DSP: variants seen among roughly 807,000 people sequenced by gnomAD.
The protein encoded by DSP is desmoplakin, also known as 250/210 kDa paraneoplastic pemphigus antigen.
DSP carries 114 observed loss-of-function variants against 290.6 expected under a neutral mutation model. The ratio of observed to expected loss-of-function variants is 0.39; its 90% CI spans 0.34 to 0.46. The LOEUF (loss-of-function observed/expected upper bound fraction) is 0.46, where lower values mean the gene tolerates loss of function less well. Ranked by LOEUF, DSP falls within the 20% of genes least tolerant of loss-of-function variation. DSP has a pLI of 0.99. For synonymous variants in DSP, 1,311 were observed against 1,316.4 expected (o/e 1.00, Z 0.09); for missense variants, 3,230 against 3,495.8 (o/e 0.92, Z 1.92).
Position 7,568,338 on chromosome 6 carries a change from TACTC to T in DSP, c.1267-97_1267-94del, listed in dbSNP as rs988667177. 5.3e-6 allele frequency: 7 copies of T among 1,325,514 alleles called. No individual in the cohort carries two copies. In the African/African-American group the frequency reaches 1.0e-4, roughly 19 times the overall value. The allele number at this position is 1,325,514 out of a possible 1,614,324, so 82.1% of individuals were successfully genotyped here. On this transcript the variant is annotated intron_variant, in intron 10 of 23. Transcript: ENST00000379802. ...TTTACAATTGATGCAACTGCAGTGA[TACTC>T]AGTGTGTCATGTAGCTACATTAATG...
rs77758574 is a variant in DSP, at chr6:7,580,331, A to T, written c.4141A>T (p.Thr1381Ser). ...NITKTTIHQLTMQKEEDTSGY... is the reference protein window; with the variant it reads ...NITKTTIHQLSMQKEEDTSGY... ...CACCAAGACCACCATCCACCAGCTC[A>T]CCATGCAGAAGGAAGAGGATACCAG... The change falls in exon 23 of 24, where the codon ACC (threonine) becomes TCC (serine). Residue 1381 changes from threonine to serine, a missense_variant. Thr to Ser is a moderately conservative substitution (Grantham distance 58, BLOSUM62 1). Around this residue, in one of 5 missense-constraint regions of DSP, gnomAD observed 1,714 missense variants for 1,844.5 expected, o/e 0.93. Coordinates refer to ENST00000379802, the MANE Select transcript of DSP (RefSeq NM_004415.4). This position sits in a 1 kb window ranked among gnomAD's most constrained non-coding sequence, Gnocchi z 4.2. 726 of 1,614,080 alleles carry T rather than the reference A, an allele frequency of 4.5e-4. 2 individuals carry two copies. In the African/African-American group the frequency reaches 8.5e-3, roughly 19 times the overall value.
intron 17 of DSP, among the ~76,000 whole-genome samples, chr6:7,575,061 T>C (rs1759193063): frequency 6.6e-6 from 1 of 152,190 alleles, no homozygotes; most frequent in South Asian, 2.1e-4. Context: ...TCTTAGAAAC[T>C]TTAATATGTT....
rs140005606 is a variant in DSP, at chr6:7,543,967, G to A, written c.170+1882G>A. ...TTTTCCTTGTGTAGTATCATCCCGTGCTCTGTTTTTCCAACTTAAAGCCTA... is the reference window on the plus strand; with the variant it reads ...TTTTCCTTGTGTAGTATCATCCCGTACTCTGTTTTTCCAACTTAAAGCCTA... On this transcript the variant is annotated intron_variant, in intron 1 of 23. Coordinates refer to ENST00000379802, the MANE Select transcript of DSP (RefSeq NM_004415.4). 2.0e-5 allele frequency among the ~76,000 whole-genome samples: 3 copies of A among 152,196 alleles called. No homozygotes were observed. In the East Asian group the frequency reaches 5.8e-4, roughly 29 times the overall value.
chr6:7,558,765 G>A (rs1758582933), intron 3 of DSP, among the ~76,000 whole-genome samples: 1 of 152,058 alleles, frequency 6.6e-6, no homozygotes, highest in Admixed American at 6.6e-5. Context: ...CCTCCGTCTT[G>A]TGCTTCCCAA....
chr6:7,569,767 G>C (rs991784848), intron 12 of DSP, among the ~76,000 whole-genome samples: 2 of 152,052 alleles, frequency 1.3e-5, no homozygotes, highest in Non-Finnish European at 1.5e-5. Context: ...CTGGGAGGGG[G>C]AGGTTGCAGT....
At chr6:7,556,468 G>C (rs1321347787) in intron 2 of DSP, among the ~76,000 whole-genome samples, 1 of 152,182 alleles carries the variant, frequency 6.6e-6, no homozygotes, top group African/African-American at 2.4e-5. Flanking sequence ...AAACAGAATA[G>C]AGAATGGTGG....
chr6:7,569,406 G>A, intron 12 of DSP, 66 bp downstream of exon 12: 1 of 1,611,410 alleles, frequency 6.2e-7, no homozygotes, highest in Non-Finnish European at 8.5e-7. Flanking sequence ...GAAGAGGGCA[G>A]GTGTTTATAC....
intron 8 of DSP, 88 bp from the exon 9 acceptor site, chr6:7,567,266 A>G (rs1758889586): frequency 7.6e-6 from 8 of 1,050,066 alleles, no homozygotes; most frequent in South Asian, 1.3e-5. Flanking sequence ...ACTGCTTACT[A>G]GCTTTCATGC....
At position 7,582,638 on chromosome 6, in the gene DSP, C is replaced by T; in HGVS notation, c.5380-4C>T. 1.2e-6 allele frequency: 2 copies of T among 1,609,452 alleles called. No individual in the cohort carries two copies. The highest frequency in any genetic ancestry group is 1.7e-6 in the Non-Finnish European group (2 of 1,176,204). On this transcript the variant is annotated splice_polypyrimidine_tract_variant and splice_region_variant and intron_variant, in intron 23 of 23. Transcript: ENST00000379802. The surrounding 1 kb of genome is among the most constrained non-coding windows in gnomAD (Gnocchi z 4.2). ...TTTCCCATTTCTTTCTTCTTCAATT[C>T]CAGGCATCTAATAGGATTCAGGAAT...
intron 10 of DSP, 148 bp from the exon 11 acceptor site, chr6:7,568,289 T>C: frequency 1.1e-6 from 1 of 899,004 alleles, no homozygotes; most frequent in Middle Eastern, 2.6e-4. Flanking sequence ...GTTCTCATGT[T>C]TCCTGCCGAC....
rs1167740200 is a variant in DSP at position 7,581,269 on chromosome 6, C to G, written c.5079C>G (p.Ser1693Arg). The G allele has an allele frequency of 1.9e-6, 3 of 1,614,116 alleles. No homozygotes were observed. Among genetic ancestry groups the G allele is most frequent in the Non-Finnish European group, 2.5e-6 (3 of 1,180,042 alleles). ...EHFQKAIEDK[S>R]RSLNESKIEI... is the part of the protein sequence containing the mutation. ...TCCAGAAGGCGATAGAAGATAAAAGCAGAAGCTTAAATGAAAGCAAAATAG... is the reference window on the plus strand; with the variant it reads ...TCCAGAAGGCGATAGAAGATAAAAGGAGAAGCTTAAATGAAAGCAAAATAG... Residue 1693 changes from serine (S) to arginine (R), a missense_variant, in exon 23 of 24, where the codon AGC (serine) becomes AGG (arginine). This residue lies in a region of DSP where 1,714 missense variants were observed against 1,844.5 expected (regional missense o/e 0.93). Coordinates refer to ENST00000379802, the MANE Select transcript of DSP (RefSeq NM_004415.4).
In DSP at chr6:7,585,776, C is replaced by CAG. The variant is rs771302783; in HGVS notation, c.8514_8515insAG (p.Gly2840ProfsTer44). The CAG allele has an allele frequency of 4.3e-5, 70 of 1,609,524 alleles. No individual in the cohort carries two copies. The highest frequency in any genetic ancestry group is 5.9e-5 in the Non-Finnish European group (69 of 1,178,400). On this transcript the variant is annotated frameshift_variant, in exon 24 of 24. Transcript: ENST00000379802. LOFTEE classifies it high-confidence loss of function. ...GCTCGGGATCTCGCTCCGGATCTCG[C>CAG]TCCGGGTCCCGCAGTGGGTCCCGGA... is the stretch of plus-strand genomic sequence containing the variant.
intron 1 of DSP, among the ~76,000 whole-genome samples, chr6:7,553,237 G>A (rs2744369): frequency 4.2e-4 from 64 of 151,976 alleles, no homozygotes; most frequent in Admixed American, 1.0e-3. Context: ...CCCAAAGTGC[G>A]GGGATTACAG....
At chr6:7,559,578 A>G (rs1283903237) in intron 4 of DSP, among the ~76,000 whole-genome samples, 178 bp downstream of exon 4, 1 of 152,222 alleles carries the variant, frequency 6.6e-6, no homozygotes, top group Non-Finnish European at 1.5e-5. Flanking sequence ...TTTGGAATGA[A>G]TGAGATTTCA....
At position 7,562,373 on chromosome 6, in the gene DSP, G is replaced by GTT. The variant is rs35044648; in HGVS notation, c.598-266_598-265dup. Reference sequence around the variant, plus strand: ...GCTTGCCTGTGCACAGGTAGATTTGGTTTTTTTTTTTTTTCAGAAGACATG... The same window carrying GTT: ...GCTTGCCTGTGCACAGGTAGATTTGGTTTTTTTTTTTTTTTTCAGAAGACATG... On this transcript the variant is annotated intron_variant, in intron 4 of 23. Transcript: ENST00000379802. Among the ~76,000 whole-genome samples the GTT allele has an allele frequency of 0.15, 20,972 of 137,342 alleles. 1,633 individuals are homozygous for GTT. Among genetic ancestry groups the GTT allele is most frequent in the Non-Finnish European group, 0.17 (10,704 of 62,600 alleles). The allele number at this position is 137,342 out of a possible 152,430, so 90.1% of individuals were successfully genotyped here.
chr6:7,547,354 C>T lies in DSP; in HGVS notation c.170+5269C>T, dbSNP rs543549591. On this transcript the variant is annotated intron_variant, in intron 1 of 23. Coordinates refer to ENST00000379802, the MANE Select transcript of DSP (RefSeq NM_004415.4). ...GCTCATGAATGTGAAATCTACATTT[C>T]ATGAAAATGAAGACAGTTTAGTGAG... Among the ~76,000 whole-genome samples, 3 of 152,114 alleles carry T rather than the reference C, an allele frequency of 2.0e-5. No homozygotes were observed. In the East Asian group the frequency reaches 5.8e-4, roughly 29 times the overall value.
chr6:7,567,303 G>C, intron 8 of DSP, 51 bp from the exon 9 acceptor site: 1 of 1,409,988 alleles, frequency 7.1e-7, no homozygotes, highest in Non-Finnish European at 1.0e-6. Flanking sequence ...TGGTGTTCAT[G>C]CATCTGTACA....
chr6:7,548,036 A>G (rs1033721001), intron 1 of DSP, among the ~76,000 whole-genome samples: 12 of 152,122 alleles, frequency 7.9e-5, no homozygotes, highest in Non-Finnish European at 1.2e-4. Context: ...TGGGAGGCCG[A>G]GGTGGGCGGA....
chr6:7,578,367 A>G (rs1224206074), intron 21 of DSP, 97 bp from the exon 22 acceptor site: 2 of 1,037,056 alleles, frequency 1.9e-6, no homozygotes, highest in Non-Finnish European at 2.9e-6. Context: ...TTCACTCTTT[A>G]TAATTTCACT....
Sources: allele counts gnomAD v4.1 joint callset (sites outside exome capture counted in the v4.1 genomes callset), GRCh38; gene constraint gnomAD v4.1.1; regional missense constraint gnomAD v4.1.1; non-coding constraint Gnocchi (gnomAD v3.1); transcripts MANE v1.5; gene names NCBI Gene and HGNC (gene_info 2026-07-23, HGNC 2026-07-21).